The following CD9 variants were observed in gnomAD, a reference collection of about 807,000 sequenced individuals.
CD9 encodes the protein CD9 antigen.
Under a neutral mutation model 31.4 loss-of-function variants are expected in CD9, and 10 were observed. The ratio of observed to expected loss-of-function variants is 0.32; its 90% confidence interval spans 0.20 to 0.54. The LOEUF (loss-of-function observed/expected upper bound fraction) is 0.54. CD9 is among the 20% of genes least tolerant of loss of function. The pLI is 0.94. For missense variants in CD9, 259 were observed against 300.1 expected (o/e 0.86, Z 1.01); for synonymous variants, 113 against 114.1 (o/e 0.99, Z 0.06).
Position 6,232,791 on chromosome 12 carries a change from G to T in CD9, c.273+62G>T, listed in dbSNP as rs1296271337. On this transcript the variant is annotated intron_variant, in intron 3 of 7. Coordinates refer to ENST00000009180, the MANE Select transcript of CD9 (RefSeq NM_001769.4). The surrounding 1 kb of genome is among the most constrained non-coding windows in gnomAD (Gnocchi z 4.8). ...CTCCCACCAACAAAAACCTCAGCAG[G>T]CCCAGACCCAGACCACAGAACAGAT... 1.7e-5 allele frequency: 19 copies of T among 1,104,710 alleles called. No individual in the cohort carries two copies. 68.4% of individuals were successfully genotyped at this position (1,104,710 alleles called of 1,614,324 possible). A position where few individuals can be genotyped will look rare whatever the true frequency, so the allele number is the denominator to read the frequency against.
chr12:6,200,241 C>CGGGGGGCGGGG (rs1450885305), upstream of CD9: 1 of 41,970 alleles, frequency 2.4e-5, no homozygotes, highest in Non-Finnish European at 3.7e-5. Context: ...TGGGCGGGGG[C>CGGGGGGCGGGG]GGGGGGCGGG....
chr12:6,225,420 T>G lies in CD9; in HGVS notation c.67-6T>G. 4 of 1,599,078 alleles carry G rather than the reference T, an allele frequency of 2.5e-6. No individual in the cohort carries two copies. The highest frequency in any genetic ancestry group is 1.3e-5 in the African/African-American group (1 of 74,726). Reference sequence around the variant, plus strand: ...AATTAATGCTGATGTCCTGTATGTCTTGCAGCTTGCCGGGATTGCTGTCCT... The same window carrying G: ...AATTAATGCTGATGTCCTGTATGTCGTGCAGCTTGCCGGGATTGCTGTCCT... On this transcript the variant is annotated splice_region_variant and splice_polypyrimidine_tract_variant and intron_variant, in intron 1 of 7. Coordinates refer to ENST00000009180, the MANE Select transcript of CD9 (RefSeq NM_001769.4).
intron 1 of CD9, among the ~76,000 whole-genome samples, chr12:6,206,340 A>C (rs1381214134): frequency 6.6e-6 from 1 of 151,788 alleles, no homozygotes; most frequent in African/African-American, 2.4e-5. Context: ...CTCACACCTC[A>C]GCCTCCTGAG....
intron 1 of CD9, among the ~76,000 whole-genome samples, chr12:6,215,778 A>G (rs1268105325): frequency 6.6e-6 from 1 of 152,230 alleles, no homozygotes; most frequent in African/African-American, 2.4e-5. Flanking sequence ...AAAGTTAGTA[A>G]TATGCCCTGT....
At chr12:6,203,858 C>T (rs754642926) in intron 1 of CD9, among the ~76,000 whole-genome samples, 19 of 152,300 alleles carry the variant, frequency 1.2e-4, no homozygotes, top group Non-Finnish European at 2.4e-4. Context: ...GGGAGGAACT[C>T]CTTAGGGCAA....
intron 1 of CD9, among the ~76,000 whole-genome samples, chr12:6,214,677 T>C (rs1281078249): frequency 6.6e-6 from 1 of 152,098 alleles, no homozygotes; most frequent in Non-Finnish European, 1.5e-5. Flanking sequence ...AAAATTGTTT[T>C]TCTAGAGTTC....
chr12:6,223,814 C>T (rs552419810), intron 1 of CD9, among the ~76,000 whole-genome samples: 3 of 152,176 alleles, frequency 2.0e-5, no homozygotes, highest in Non-Finnish European at 4.4e-5. Flanking sequence ...TGGAGACTCA[C>T]GCTTCTCCCC....
intron 3 of CD9, chr12:6,233,205 G>A (rs1946473792): frequency 3.1e-6 from 2 of 634,986 alleles, no homozygotes; most frequent in African/African-American, 1.8e-5. Context: ...TCATGTCCGG[G>A]CACCTTGCCT....
chr12:6,227,866 C>T (rs553265310), intron 2 of CD9, among the ~76,000 whole-genome samples: 3 of 152,296 alleles, frequency 2.0e-5, no homozygotes, highest in South Asian at 4.1e-4. Context: ...GAAACCCCTG[C>T]GTCGGTGGCC....
intron 1 of CD9, among the ~76,000 whole-genome samples, chr12:6,209,679 CTTTTTTTTTT>C (rs71064199): frequency 7.5e-6 from 1 of 132,614 alleles, no homozygotes; most frequent in Non-Finnish European, 1.6e-5. Context: ...CTGCAAATTT[CTTTTTTTTTT>C]TTTTTTTTTT....
At chr12:6,209,125 C>T (rs1028602325) in intron 1 of CD9, among the ~76,000 whole-genome samples, 16 of 152,092 alleles carry the variant, frequency 1.1e-4, no homozygotes, top group South Asian at 2.1e-4. Context: ...CATGCCACCA[C>T]GCCCAGCTAA....
chr12:6,226,580 G>A (rs1416347429), intron 2 of CD9, among the ~76,000 whole-genome samples: 1 of 152,142 alleles, frequency 6.6e-6, no homozygotes, highest in African/African-American at 2.4e-5. Flanking sequence ...TCTTGAACTG[G>A]GTAGGGAGAG....
At chr12:6,215,093 G>A (rs1005645339) in intron 1 of CD9, among the ~76,000 whole-genome samples, 3 of 152,088 alleles carry the variant, frequency 2.0e-5, no homozygotes, top group Non-Finnish European at 4.4e-5. Flanking sequence ...TCACAGTGCT[G>A]GTCAAAGCAT....
chr12:6,236,611 AG>A (rs1946526721), intron 7 of CD9: 1 of 433,252 alleles, frequency 2.3e-6, no homozygotes, highest in East Asian at 3.4e-5. Flanking sequence ...CTTCTCCCTA[AG>A]AAAGTCGTTC....
At chr12:6,237,340 A>G (rs1342608123) in intron 7 of CD9, among the ~76,000 whole-genome samples, 1 of 152,136 alleles carries the variant, frequency 6.6e-6, no homozygotes, top group Non-Finnish European at 1.5e-5. Context: ...GGCGGATCGC[A>G]CCACAGCACT....
At position 6,203,474 on chromosome 12, in the gene CD9, G is replaced by A. The variant is rs2300146; in HGVS notation, c.66+2909G>A. Among the ~76,000 whole-genome samples the A allele has an allele frequency of 1.1e-4, 17 of 152,274 alleles. No individual in the cohort carries two copies. In the East Asian group the frequency reaches 3.1e-3, roughly 28 times the overall value. ...CACTTTGCACAGAGGCTGCTGAGAG[G>A]GGGTGTCCAACAGGCATCCAGAGAG... On this transcript the variant is annotated intron_variant, in intron 1 of 7. Coordinates refer to ENST00000009180, the MANE Select transcript of CD9 (RefSeq NM_001769.4).
chr12:6,231,029 A>C (rs1946439190), intron 2 of CD9, among the ~76,000 whole-genome samples: 1 of 152,146 alleles, frequency 6.6e-6, no homozygotes, highest in Admixed American at 6.5e-5. Context: ...CAGATGTGGG[A>C]CAGTGAAGTC....
At chr12:6,231,385 C>T (rs1946444889) in intron 2 of CD9, among the ~76,000 whole-genome samples, 1 of 152,180 alleles carries the variant, frequency 6.6e-6, no homozygotes, top group African/African-American at 2.4e-5. Flanking sequence ...AGTGGCTTCC[C>T]CAGAGTCACA....
intron 2 of CD9, among the ~76,000 whole-genome samples, chr12:6,229,452 C>G (rs948296897): frequency 6.6e-6 from 1 of 152,246 alleles, no homozygotes; most frequent in South Asian, 2.1e-4. Flanking sequence ...CCACTCCCCT[C>G]TGGGGCAAAG....
Sources: allele counts gnomAD v4.1 joint callset (sites outside exome capture counted in the v4.1 genomes callset), GRCh38; gene constraint gnomAD v4.1.1; non-coding constraint Gnocchi (gnomAD v3.1); transcripts MANE v1.5; gene names NCBI Gene and HGNC (gene_info 2026-07-23, HGNC 2026-07-21).